Variants in QDPR observed in about 807,000 individuals in gnomAD.
QDPR encodes the protein quinoid dihydropteridine reductase.
In QDPR, 23 loss-of-function variants were observed where a neutral mutation model predicts 31.7. The ratio of observed to expected loss-of-function variants is 0.73; its 90% CI spans 0.52 to 1.03. The LOEUF (loss-of-function observed/expected upper bound fraction) is 1.03. QDPR is among the 50% of genes least tolerant of loss of function. QDPR has a pLI of 0.00. For synonymous variants in QDPR, 124 were observed against 124.7 expected (o/e 0.99, Z 0.03); for missense variants, 324 against 323.8 (o/e 1.00, Z 0.00).
chr4:17,506,061 C>T (rs750719547), intron 2 of QDPR, among the ~76,000 whole-genome samples: 10 of 152,274 alleles, frequency 6.6e-5, no homozygotes, highest in Middle Eastern at 3.4e-3. Flanking sequence ...CAGAGACCCG[C>T]ACCTGGCAGG....
Position 17,500,329 on chromosome 4 carries a change from C to G in QDPR, c.436+1390G>C, listed in dbSNP as rs542779737. ...ACACTTTCTGCCTCCCTATGCTGCC[C>G]CTTTCTACCCCTGCTTAAATTCCTT... On this transcript the variant is annotated intron_variant, in intron 4 of 6. Coordinates refer to ENST00000281243, the MANE Select transcript of QDPR (RefSeq NM_000320.3). 1.7e-4 allele frequency among the ~76,000 whole-genome samples: 26 copies of G among 152,234 alleles called. No homozygotes were observed. In the Middle Eastern group the frequency reaches 0.01, roughly 60 times the overall value.
intron 1 of QDPR, 64 bp downstream of exon 1, chr4:17,511,886 G>C: frequency 6.5e-7 from 1 of 1,544,408 alleles, no homozygotes; most frequent in East Asian, 2.4e-5. Flanking sequence ...CCCCCCGCCG[G>C]GTTCCACACG....
rs750571831 is a variant in QDPR at position 17,492,248 on chromosome 4, C to A, written c.529G>T (p.Ala177Ser). ...AGCACTTACGGGAGCACAGCGATGG[C>A]GGCTGCCCCGGGCGGCATGCCGCTG... ...KNSGMPPGAA[A>S]IAVLPVTLDT... The change falls in exon 5 of 7, where the codon GCC becomes TCC. Residue 177 changes from alanine (A) to serine (S), a missense_variant. Transcript: ENST00000281243. 4.3e-6 allele frequency: 7 copies of A among 1,613,852 alleles called. No homozygotes were observed. The highest frequency in any genetic ancestry group is 5.9e-6 in the Non-Finnish European group (7 of 1,179,908).
chr4:17,504,827 A>G (rs145591798), intron 2 of QDPR, among the ~76,000 whole-genome samples: 28 of 152,312 alleles, frequency 1.8e-4, no homozygotes, highest in African/African-American at 6.7e-4. Context: ...CACATAGTTA[A>G]CATCCTGGTG....
intron 1 of QDPR, among the ~76,000 whole-genome samples, chr4:17,510,888 G>T (rs1358586953): frequency 6.6e-6 from 1 of 152,190 alleles, no homozygotes; most frequent in African/African-American, 2.4e-5. Context: ...ATGGGTGGCA[G>T]GAAGGGAGTG....
At chr4:17,487,319 G>C in intron 6 of QDPR, 83 bp from the exon 7 acceptor site, 1 of 1,056,942 alleles carries the variant, frequency 9.5e-7, no homozygotes, top group South Asian at 1.3e-5. Context: ...ACGGCTTGTG[G>C]GGTGGGGGGA....
chr4:17,506,744 C>G (rs1434491060), intron 2 of QDPR, among the ~76,000 whole-genome samples: 1 of 152,198 alleles, frequency 6.6e-6, no homozygotes, highest in African/African-American at 2.4e-5. Context: ...ATTAAATTCA[C>G]TAAGGTCAAT....
intron 4 of QDPR, 110 bp from the exon 5 acceptor site, chr4:17,492,450 G>T: frequency 2.3e-6 from 2 of 867,028 alleles, no homozygotes; most frequent in Non-Finnish European, 3.8e-6. Context: ...ATAAATAGCT[G>T]CATCTGGCCT....
At chr4:17,509,484 T>G in intron 1 of QDPR, 121 bp from the exon 2 acceptor site, 2 of 838,080 alleles carry the variant, frequency 2.4e-6, no homozygotes, top group East Asian at 2.7e-5. Flanking sequence ...GCCAGCACTT[T>G]GGGAGCCAAT....
intron 4 of QDPR, among the ~76,000 whole-genome samples, chr4:17,494,732 G>A (rs1047083580): frequency 3.9e-5 from 6 of 151,956 alleles, no homozygotes; most frequent in Admixed American, 6.5e-5. Flanking sequence ...CTTTTTCCTC[G>A]GACAGCAATA....
chr4:17,496,442 CAAAAAAAAAAAAAAAAAAA>C (rs747311750), intron 4 of QDPR, among the ~76,000 whole-genome samples: 1 of 64,608 alleles, frequency 1.5e-5, no homozygotes, highest in African/African-American at 5.6e-5. Context: ...AAAACTGTCT[CAAAAAAAAAAAAAAAAAAA>C]AAAAAAAAAA....
At chr4:17,497,810 T>C (rs1299257330) in intron 4 of QDPR, among the ~76,000 whole-genome samples, 1 of 152,202 alleles carries the variant, frequency 6.6e-6, no homozygotes, top group Non-Finnish European at 1.5e-5. Context: ...TGTTGAGGTA[T>C]AACTGAAACA....
At chr4:17,499,646 G>A (rs1006709259) in intron 4 of QDPR, among the ~76,000 whole-genome samples, 4 of 152,160 alleles carry the variant, frequency 2.6e-5, no homozygotes, top group South Asian at 2.1e-4. Flanking sequence ...GGGGCCTGGC[G>A]TAGTGGCTCA....
intron 1 of QDPR, chr4:17,509,824 C>T (rs1476737736): frequency 2.6e-6 from 1 of 382,522 alleles, no homozygotes; most frequent in Non-Finnish European, 5.2e-6. Flanking sequence ...GGCCCTCCTA[C>T]CTCCAAACAC....
At chr4:17,508,175 T>G (rs2518609) in intron 2 of QDPR, among the ~76,000 whole-genome samples, 117,046 of 152,202 alleles carry the variant, frequency 0.77, 45,686 homozygotes, top group East Asian at 0.89. Context: ...AGTGGCTCAT[T>G]CCTATAATCC....
intron 2 of QDPR, 56 bp downstream of exon 2, chr4:17,509,215 T>A (rs1168412248): frequency 6.2e-6 from 8 of 1,297,944 alleles, no homozygotes; most frequent in Non-Finnish European, 9.0e-6. Flanking sequence ...ATACAGCCAG[T>A]GGTCACCTCT....
intron 6 of QDPR, among the ~76,000 whole-genome samples, chr4:17,487,706 T>C (rs918374380): frequency 1.3e-5 from 2 of 151,992 alleles, no homozygotes; most frequent in Non-Finnish European, 2.9e-5. Context: ...CTCACCCCTA[T>C]GATCCCAGCA....
At chr4:17,496,419 G>A (rs906034843) in intron 4 of QDPR, among the ~76,000 whole-genome samples, 2 of 105,044 alleles carry the variant, frequency 1.9e-5, no homozygotes, top group Admixed American at 1.1e-4. Context: ...ACTCCAGCCT[G>A]GGCAATAAGG....
chr4:17,494,711 C>A (rs1375803020), intron 4 of QDPR, among the ~76,000 whole-genome samples: 1 of 152,158 alleles, frequency 6.6e-6, no homozygotes, highest in Non-Finnish European at 1.5e-5. Context: ...CTCAGCAGGT[C>A]ACTGGCAACT....
Sources: allele counts gnomAD v4.1 joint callset (sites outside exome capture counted in the v4.1 genomes callset), GRCh38; gene constraint gnomAD v4.1.1; transcripts MANE v1.5; gene names NCBI Gene and HGNC (gene_info 2026-07-23, HGNC 2026-07-21).